The following DMD variants were observed in gnomAD, a reference collection of about 807,000 sequenced individuals.
The protein encoded by DMD is mutant dystrophin.
DMD carries 63 observed loss-of-function variants against 330.1 expected under a neutral mutation model. That is an observed-to-expected ratio of 0.19 (90% CI 0.16 to 0.24). DMD has a LOEUF of 0.24. Ranked by LOEUF, DMD falls within the 10% of genes least tolerant of loss-of-function variation. The pLI is 1.00. For synonymous variants in DMD, 1,223 were observed against 959.8 expected, an observed-to-expected ratio of 1.27 and a Z score of -5.07; for missense variants, 3,344 against 2,684.1, an observed-to-expected ratio of 1.25 and a Z score of -5.43.
chrX:31,365,936 G>A (rs1005696915), intron 60 of DMD, among the ~76,000 whole-genome samples: 1 of 112,417 alleles, frequency 8.9e-6, no homozygotes, highest in Admixed American at 9.4e-5. Context: ...CAGATTGGGA[G>A]AGTCCACGAA....
chrX:31,883,885 G>GA lies in DMD; in HGVS notation c.6913-8513dup, dbSNP rs35245909. On this transcript the variant is annotated intron_variant, in intron 47 of 78. Coordinates refer to ENST00000357033, the MANE Select transcript of DMD (RefSeq NM_004006.3). The stretch of plus-strand genomic sequence containing the variant: ...ACATACAAATGGCTAACAAGCATAT[G>GA]AAAAAAAAAAATGATCAACCTCACT... Among the ~76,000 whole-genome samples, 9 of 103,724 alleles carry GA rather than the reference G, an allele frequency of 8.7e-5. No individual in the cohort carries two copies. The South Asian group carries it at 1.2e-3, about 14-fold the overall frequency. The allele number at this position is 103,724 out of a possible 115,157, so 90.1% of individuals were successfully genotyped here. A position where few individuals can be genotyped will look rare whatever the true frequency, so the allele number is the denominator to read the frequency against.
At chrX:31,774,441 C>A (rs192016336) in intron 50 of DMD, among the ~76,000 whole-genome samples, 3 of 111,384 alleles carry the variant, frequency 2.7e-5, no homozygotes, top group African/African-American at 9.8e-5. Context: ...TTTTAAAAAA[C>A]GATTTTGCTC....
chrX:31,266,717 T>G, intron 62 of DMD: 1 of 939,829 alleles, frequency 1.1e-6, no homozygotes, highest in Non-Finnish European at 1.5e-6. Flanking sequence ...GCCGCGCCTG[T>G]CCAAGTTTTG....
intron 4 of DMD, 86 bp from the exon 5 acceptor site, chrX:32,823,473 T>A: frequency 1.5e-6 from 1 of 670,438 alleles, no homozygotes; most frequent in Non-Finnish European, 2.4e-6. Flanking sequence ...GTGAAGGTAA[T>A]TGCATTTAGC....
chrX:32,796,163 T>C (rs1457389679), intron 7 of DMD, among the ~76,000 whole-genome samples: 1 of 111,661 alleles, frequency 9.0e-6, no homozygotes, highest in East Asian at 2.8e-4. Context: ...AGGAAAAGTA[T>C]ATGCATGGCA....
chrX:31,799,673 C>T (rs2091975202), intron 50 of DMD, among the ~76,000 whole-genome samples: 1 of 111,777 alleles, frequency 8.9e-6, no homozygotes, highest in African/African-American at 3.3e-5. Flanking sequence ...AAAGTCTTAA[C>T]TCATTCCAAC....
At chrX:31,179,543 G>T (rs973871282) in intron 69 of DMD, among the ~76,000 whole-genome samples, 5 of 112,035 alleles carry the variant, frequency 4.5e-5, no homozygotes, top group African/African-American at 1.3e-4. Flanking sequence ...GAGACTGTAA[G>T]AATTAAAGAA....
intron 6 of DMD, among the ~76,000 whole-genome samples, chrX:32,815,512 T>TATATATATATATATATATATATAAA: frequency 1.7e-5 from 1 of 59,640 alleles, no homozygotes; most frequent in African/African-American, 7.7e-5. Flanking sequence ...TATATATATA[T>TATATATATATATATATATATATAAA]ATATATATAC....
chrX:32,951,318 C>G (rs1293923934), intron 2 of DMD, among the ~76,000 whole-genome samples: 1 of 111,316 alleles, frequency 9.0e-6, no homozygotes, highest in African/African-American at 3.3e-5. Flanking sequence ...ATATTTCTGG[C>G]CCTACAGACT....
intron 50 of DMD, among the ~76,000 whole-genome samples, chrX:31,794,144 T>C (rs1365457570): frequency 8.9e-6 from 1 of 111,968 alleles, no homozygotes; most frequent in Non-Finnish European, 1.9e-5. Context: ...TTAAAATTGA[T>C]TGAAGATTAT....
At chrX:32,712,700 C>T (rs928003751) in intron 7 of DMD, among the ~76,000 whole-genome samples, 5 of 111,150 alleles carry the variant, frequency 4.5e-5, no homozygotes, top group African/African-American at 1.6e-4. Context: ...TGTTATCATA[C>T]TGAGGTTATT....
intron 7 of DMD, among the ~76,000 whole-genome samples, chrX:32,762,301 G>T (rs1380102198): frequency 4.5e-5 from 5 of 110,842 alleles, no homozygotes; most frequent in Non-Finnish European, 7.6e-5. Flanking sequence ...AAATAAGATG[G>T]CATACTTCTG....
chrX:31,235,922 C>T (rs916312978), intron 63 of DMD, among the ~76,000 whole-genome samples: 3 of 112,509 alleles, frequency 2.7e-5, no homozygotes, highest in Non-Finnish European at 5.6e-5. Context: ...GCTCACTCAA[C>T]ACCCCTTCCC....
intron 55 of DMD, among the ~76,000 whole-genome samples, chrX:31,514,745 A>C (rs1313645886): frequency 8.9e-6 from 1 of 112,406 alleles, no homozygotes; most frequent in Non-Finnish European, 1.9e-5. Context: ...TTAGAAATAG[A>C]TTTCATGAAG....
rs969457304 is a variant in DMD, at chrX:31,986,421, G to GT, written c.6439-17908dup. Among the ~76,000 whole-genome samples, 13 of 109,948 alleles carry GT rather than the reference G, an allele frequency of 1.2e-4. No homozygotes were observed. The East Asian group carries it at 3.2e-3, about 27-fold the overall frequency. On this transcript the variant is annotated intron_variant, in intron 44 of 78. Coordinates refer to ENST00000357033, the MANE Select transcript of DMD (RefSeq NM_004006.3). ...AGGTGCTTTTTTGTTTGTTTGTTTT[G>GT]TTTTTTTTCTGAGACAGAGTCTCGC...
At chrX:32,644,525 C>G (rs773489441) in intron 10 of DMD, among the ~76,000 whole-genome samples, 4 of 109,537 alleles carry the variant, frequency 3.7e-5, no homozygotes, top group Non-Finnish European at 7.6e-5. Flanking sequence ...AAGCAGGCCC[C>G]GAGATAAGGA....
At chrX:32,961,621 A>C (rs972012016) in intron 2 of DMD, among the ~76,000 whole-genome samples, 2 of 111,792 alleles carry the variant, frequency 1.8e-5, no homozygotes, top group Non-Finnish European at 3.8e-5. Flanking sequence ...TACTGTAAAG[A>C]AAGTAATCAT....
intron 44 of DMD, among the ~76,000 whole-genome samples, chrX:32,010,357 C>T (rs2095697355): frequency 9.0e-6 from 1 of 111,653 alleles, no homozygotes; most frequent in South Asian, 3.8e-4. Context: ...TGACGTCACA[C>T]TGGTAGCTTG....
At chrX:33,120,929 A>T (rs2095420596) in intron 1 of DMD, among the ~76,000 whole-genome samples, 1 of 103,881 alleles carries the variant, frequency 9.6e-6, no homozygotes, top group Non-Finnish European at 2.0e-5. Flanking sequence ...GGTTATTATT[A>T]GGGGCTATAT....
Sources: gnomAD v4.1 joint callset for allele counts (sites outside exome capture counted in the v4.1 genomes callset) on GRCh38, gnomAD v4.1.1 for gene constraint, MANE v1.5 for transcripts, NCBI Gene and HGNC (gene_info 2026-07-23, HGNC 2026-07-21) for gene names.